The following NUDT19 variants were observed in gnomAD, a reference collection of about 807,000 sequenced individuals.
NUDT19 encodes acyl-coenzyme A diphosphatase NUDT19.
A neutral mutation model predicts 22.2 loss-of-function variants in NUDT19; 31 were observed. The ratio of observed to expected loss-of-function variants is 1.40; its 90% CI spans 1.05 to 1.89. The LOEUF (loss-of-function observed/expected upper bound fraction) is 1.89, where lower values mean the gene tolerates loss of function less well. Ranked by LOEUF, NUDT19 falls within the 40% of genes most tolerant of loss-of-function variation. NUDT19 has a pLI of 0.00. For missense variants in NUDT19, 752 were observed against 514.2 expected, an observed-to-expected ratio of 1.46 and a Z score of -4.47; for synonymous variants, 325 against 230.8, an observed-to-expected ratio of 1.41 and a Z score of -3.70.
intron 1 of NUDT19, among the ~76,000 whole-genome samples, chr19:32,699,615 A>T (rs1338732710): frequency 6.6e-6 from 1 of 152,182 alleles, no homozygotes; most frequent in African/African-American, 2.4e-5. Flanking sequence ...ACATGTCCCC[A>T]TATTTAGCTC....
At chr19:32,693,765 G>A (rs148181359) in intron 1 of NUDT19, among the ~76,000 whole-genome samples, 1,619 of 152,014 alleles carry the variant, frequency 0.011, 15 homozygotes, top group Non-Finnish European at 0.016. Flanking sequence ...TTTACAGAGT[G>A]CTGATTGGTG....
At chr19:32,711,289 C>A (rs1968444144) in intron 2 of NUDT19, among the ~76,000 whole-genome samples, 1 of 151,934 alleles carries the variant, frequency 6.6e-6, no homozygotes, top group Non-Finnish European at 1.5e-5. Flanking sequence ...CATGGCGAAA[C>A]CTGTCTCTAC....
Position 32,692,156 on chromosome 19 carries a change from G to T in NUDT19, c.196G>T (p.Val66Leu). Residue 66 changes from valine to leucine, a missense_variant, in exon 1 of 3, where the codon GTG becomes TTG. By Grantham distance (32) the Val-to-Leu change is conservative. Transcript: ENST00000397061. ...MPGAHVFSGG[V>L]LDAADRSADW... ...GGGCGCGCACGTCTTCTCCGGCGGA[G>T]TGCTGGATGCGGCCGACCGCTCGGC... The T allele has an allele frequency of 6.6e-7, 1 of 1,518,802 alleles. No individual in the cohort carries two copies. 94.1% of individuals were successfully genotyped at this position (1,518,802 alleles called of 1,614,324 possible).
rs1056169305 is a variant in NUDT19 at position 32,705,221 on chromosome 19, G to A, written c.715-3964G>A. Among the ~76,000 whole-genome samples, 5 of 151,246 alleles carry A rather than the reference G, an allele frequency of 3.3e-5. No homozygotes were observed. In the South Asian group the frequency reaches 1.0e-3, roughly 32 times the overall value. On this transcript the variant is annotated intron_variant, in intron 1 of 2. Coordinates refer to ENST00000397061, the MANE Select transcript of NUDT19 (RefSeq NM_001105570.2). ...GTGGATCACGAGGTCAGCAGTTCAA[G>A]ACCAGCCTTGCCAACATTGTGAAAC...
chr19:32,709,844 G>C (rs148953136), intron 2 of NUDT19, among the ~76,000 whole-genome samples: 2 of 151,398 alleles, frequency 1.3e-5, no homozygotes, highest in Non-Finnish European at 2.9e-5. Context: ...TAGTAGATAC[G>C]GGGTTTCACC....
rs747862359 is a variant in NUDT19 at position 32,692,220 on chromosome 19, C to G, written c.260C>G (p.Pro87Arg). The G allele has an allele frequency of 1.3e-5, 21 of 1,584,044 alleles. No homozygotes were observed. The highest frequency in any genetic ancestry group is 1.6e-5 in the Non-Finnish European group (19 of 1,174,076). The change falls in exon 1 of 3, where the codon CCG becomes CGG. Residue 87 changes from proline (P) to arginine (R), a missense_variant. Transcript: ENST00000397061. The part of the protein sequence containing the change: ...LGLFAPHHGP[P>R]RFGLGPAPFS... ...CTCTTCGCGCCGCACCACGGGCCGC[C>G]GCGCTTCGGCCTGGGCCCGGCGCCA...
chr19:32,710,887 C>T (rs527829497), intron 2 of NUDT19, among the ~76,000 whole-genome samples: 1 of 136,936 alleles, frequency 7.3e-6, no homozygotes, highest in Admixed American at 7.3e-5. Flanking sequence ...GAGCGAAACT[C>T]CATCTCAAAA....
chr19:32,710,881 G>A (rs1237537565), intron 2 of NUDT19, among the ~76,000 whole-genome samples: 3 of 142,994 alleles, frequency 2.1e-5, no homozygotes, highest in Non-Finnish European at 3.0e-5. Context: ...CAACAAGAGC[G>A]AAACTCCATC....
At position 32,709,379 on chromosome 19, in the gene NUDT19, C is replaced by A; in HGVS notation, c.909C>A (p.Val303=). 6.2e-7 allele frequency: 1 copy of A among 1,613,738 alleles called. No individual in the cohort carries two copies. The highest frequency in any genetic ancestry group is 1.1e-5 in the South Asian group (1 of 91,046). Residue 303 remains valine, a synonymous_variant, in exon 2 of 3, where the codon GTC becomes GTA. Transcript: ENST00000397061. ...PIILLTADGM[V]HLLPGDELYL... The stretch of plus-strand genomic sequence containing the variant: ...TCTTGTTAACTGCTGATGGGATGGT[C>A]CATCTTTTACCAGGTAAACCAGTGA...
At position 32,711,794 on chromosome 19, in the gene NUDT19, T is replaced by TTA. The variant is rs1343041222; in HGVS notation, c.967_968dup (p.Met323IlefsTer12). The TTA allele has an allele frequency of 1.2e-6, 2 of 1,613,600 alleles. No individual in the cohort carries two copies. Among genetic ancestry groups the TTA allele is most frequent in the Non-Finnish European group, 1.7e-6 (2 of 1,179,656 alleles). ...GAAGATTCAGACTTTTTGGAAAATC[T>TTA]TATGTCTACTGAAAAAAAGACTGAG... On this transcript the variant is annotated frameshift_variant, in exon 3 of 3. Coordinates refer to ENST00000397061, the MANE Select transcript of NUDT19 (RefSeq NM_001105570.2). LOFTEE classifies it low-confidence loss of function (END_TRUNC).
At chr19:32,696,845 T>G (rs1401845776) in intron 1 of NUDT19, among the ~76,000 whole-genome samples, 1 of 152,096 alleles carries the variant, frequency 6.6e-6, no homozygotes, top group Non-Finnish European at 1.5e-5. Context: ...AGGAAGTCAA[T>G]TTCCTGGCCC....
At chr19:32,707,377 C>T (rs949481394) in intron 1 of NUDT19, among the ~76,000 whole-genome samples, 3 of 152,112 alleles carry the variant, frequency 2.0e-5, no homozygotes, top group African/African-American at 7.2e-5. Flanking sequence ...CATACCAGGG[C>T]CCTGGGAATG....
chr19:32,710,420 C>CAAAAAAAAA (rs34357522), intron 2 of NUDT19, among the ~76,000 whole-genome samples: 13 of 106,992 alleles, frequency 1.2e-4, no homozygotes, highest in Non-Finnish European at 2.0e-4. Context: ...ACTGAAAATA[C>CAAAAAAAAA]AAAAAAAAAA....
At position 32,712,164 on chromosome 19, in the gene NUDT19, T is replaced by G; in HGVS notation, c.*207T>G. ...ATATAGGCTCACTGGAAGCTCTGCC[T>G]CAGGGGTTCATGCCATTCTCCTGCC... On this transcript the variant is annotated 3_prime_UTR_variant, in exon 3 of 3. Coordinates refer to ENST00000397061, the MANE Select transcript of NUDT19 (RefSeq NM_001105570.2). 1 of 477,424 alleles carries G rather than the reference T, an allele frequency of 2.1e-6. No individual in the cohort carries two copies. The highest frequency in any genetic ancestry group is 3.7e-6 in the Non-Finnish European group (1 of 268,328). The allele number at this position is 477,424 out of a possible 1,614,324, so 29.6% of individuals were successfully genotyped here.
At chr19:32,697,122 C>T (rs1020537889) in intron 1 of NUDT19, among the ~76,000 whole-genome samples, 22 of 152,270 alleles carry the variant, frequency 1.4e-4, no homozygotes, top group African/African-American at 5.1e-4. Context: ...GATTGGCCTG[C>T]TCCATTCTCT....
At chr19:32,704,418 T>C (rs764670013) in intron 1 of NUDT19, among the ~76,000 whole-genome samples, 7 of 152,130 alleles carry the variant, frequency 4.6e-5, no homozygotes, top group Non-Finnish European at 1.0e-4. Context: ...CATGCCACCA[T>C]GCCCAGCTAA....
chr19:32,711,747 T>C lies in NUDT19; in HGVS notation c.923-5T>C. The C allele has an allele frequency of 3.2e-6, 5 of 1,547,540 alleles. No individual in the cohort carries two copies. Among genetic ancestry groups the C allele is most frequent in the Non-Finnish European group, 4.4e-6 (5 of 1,128,822 alleles). ...AAAATAAAATCAGATTTTTTCCTTT[T>C]TCAGGTGATGAGCTATATTTAGAAG... On this transcript the variant is annotated splice_polypyrimidine_tract_variant and splice_region_variant and intron_variant, in intron 2 of 2. Coordinates refer to ENST00000397061, the MANE Select transcript of NUDT19 (RefSeq NM_001105570.2).
chr19:32,709,132 C>T, intron 1 of NUDT19, 53 bp from the exon 2 acceptor site: 1 of 1,244,794 alleles, frequency 8.0e-7, no homozygotes, highest in Non-Finnish European at 1.2e-6. Context: ...TGTCTCAAGT[C>T]TCACATTGTC....
chr19:32,705,488 C>A (rs960936209), intron 1 of NUDT19, among the ~76,000 whole-genome samples: 1 of 151,412 alleles, frequency 6.6e-6, no homozygotes, highest in African/African-American at 2.4e-5. Context: ...TAAGTGATTG[C>A]AAATTACCTT....
Sources: allele counts gnomAD v4.1 joint callset (sites outside exome capture counted in the v4.1 genomes callset), GRCh38; gene constraint gnomAD v4.1.1; transcripts MANE v1.5; gene names NCBI Gene and HGNC (gene_info 2026-07-23, HGNC 2026-07-21).